Variants in GNG12 observed in about 807,000 individuals in gnomAD.
GNG12 encodes G protein subunit gamma 12, also known as guanine nucleotide-binding protein G(I)/G(S)/G(O) subunit gamma-12.
For missense variants in GNG12, 69 were observed against 83.8 expected, an observed-to-expected ratio of 0.82 and a Z score of 0.69; for synonymous variants, 28 against 29.7, an observed-to-expected ratio of 0.94 and a Z score of 0.19.
chr1:67,714,324 G>C (rs1304359617), intron 2 of GNG12, among the ~76,000 whole-genome samples: 2 of 152,248 alleles, frequency 1.3e-5, no homozygotes, highest in African/African-American at 4.8e-5. Flanking sequence ...TAGTTCCAGG[G>C]ACACATTCAG....
chr1:67,810,990 A>C (rs897584760), intron 1 of GNG12, among the ~76,000 whole-genome samples: 4 of 152,176 alleles, frequency 2.6e-5, no homozygotes, highest in African/African-American at 9.7e-5. Context: ...CTGGACCGGC[A>C]GCATCAGCAT....
intron 2 of GNG12, among the ~76,000 whole-genome samples, chr1:67,737,854 T>C (rs1461472382): frequency 1.3e-5 from 2 of 152,216 alleles, no homozygotes; most frequent in Non-Finnish European, 2.9e-5. Flanking sequence ...TGCAATAAAC[T>C]GTCCACTCCC....
At chr1:67,718,923 G>A (rs1341807508) in intron 2 of GNG12, among the ~76,000 whole-genome samples, 3 of 152,168 alleles carry the variant, frequency 2.0e-5, no homozygotes, top group African/African-American at 7.2e-5. Context: ...GCCCATCAAT[G>A]TCAATACATT....
intron 1 of GNG12, among the ~76,000 whole-genome samples, chr1:67,821,807 A>T (rs1247158659): frequency 7.2e-6 from 1 of 138,766 alleles, no homozygotes; most frequent in Non-Finnish European, 1.6e-5. Context: ...GAATAGTGGC[A>T]CATAGAATAA....
At chr1:67,756,627 T>C (rs570519968) in intron 2 of GNG12, among the ~76,000 whole-genome samples, 59 of 152,314 alleles carry the variant, frequency 3.9e-4, no homozygotes, top group African/African-American at 1.3e-3. Flanking sequence ...TGCACGTGTG[T>C]GTGCATATGT....
At chr1:67,732,080 C>T (rs1159401827) in intron 2 of GNG12, among the ~76,000 whole-genome samples, 1 of 152,182 alleles carries the variant, frequency 6.6e-6, no homozygotes, top group African/African-American at 2.4e-5. Flanking sequence ...TATAAATAAG[C>T]TGGATGAATT....
At chr1:67,826,807 A>T (rs1647013462) in intron 1 of GNG12, among the ~76,000 whole-genome samples, 2 of 152,268 alleles carry the variant, frequency 1.3e-5, no homozygotes, top group South Asian at 4.1e-4. Flanking sequence ...TCTTCATTTG[A>T]GAAAAAACCT....
At chr1:67,786,933 A>ATGTGTGTGTGTG in intron 1 of GNG12, among the ~76,000 whole-genome samples, 1 of 52,118 alleles carries the variant, frequency 1.9e-5, no homozygotes, top group Non-Finnish European at 4.4e-5. Flanking sequence ...ACTTATATAT[A>ATGTGTGTGTGTG]TATGTGTGTG....
chr1:67,772,872 G>A (rs1646682968), intron 2 of GNG12, among the ~76,000 whole-genome samples: 1 of 152,228 alleles, frequency 6.6e-6, no homozygotes, highest in Non-Finnish European at 1.5e-5. Context: ...GGCACCCATA[G>A]CTGTGAGAAT....
intron 2 of GNG12, among the ~76,000 whole-genome samples, chr1:67,715,139 G>GT (rs1300663895): frequency 6.6e-6 from 1 of 152,072 alleles, no homozygotes; most frequent in Non-Finnish European, 1.5e-5. Context: ...GGCTGGTCTT[G>GT]AACTCCTGAC....
intron 2 of GNG12, among the ~76,000 whole-genome samples, chr1:67,747,472 T>G (rs1336353524): frequency 6.6e-6 from 1 of 152,070 alleles, no homozygotes; most frequent in African/African-American, 2.4e-5. Flanking sequence ...ATCTTTGGAG[T>G]AAGAGTTTTA....
chr1:67,806,736 A>G (rs1570565116), intron 1 of GNG12, among the ~76,000 whole-genome samples: 1 of 152,198 alleles, frequency 6.6e-6, no homozygotes, highest in South Asian at 2.1e-4. Context: ...CAACATAACA[A>G]TATTTGTCAT....
intron 2 of GNG12, among the ~76,000 whole-genome samples, chr1:67,732,766 G>A (rs960804705): frequency 7.2e-5 from 11 of 152,164 alleles, no homozygotes; most frequent in African/African-American, 2.4e-4. Context: ...GAAAGGAGCC[G>A]GGTTCCTGAC....
rs1163831257 is a variant in GNG12 at position 67,818,413 on chromosome 1, G to GTTTTT, written c.-77+14926_-77+14930dup. Among the ~76,000 whole-genome samples, 706 of 83,868 alleles carry GTTTTT rather than the reference G, an allele frequency of 8.4e-3. 19 individuals carry two copies. The highest frequency in any genetic ancestry group is 0.015 in the African/African-American group (361 of 23,446). The allele number at this position is 83,868 out of a possible 152,430, so 55.0% of individuals were successfully genotyped here. A position where few individuals can be genotyped will look rare whatever the true frequency, so the allele number is the denominator to read the frequency against. ...AATTATTCATGGGGAAAGACCAGGGGTTTTTTTTTTTTTTTTTTTTTTTTT... is the reference window on the plus strand; with the variant it reads ...AATTATTCATGGGGAAAGACCAGGGGTTTTTTTTTTTTTTTTTTTTTTTTTTTTTT... On this transcript the variant is annotated intron_variant, in intron 1 of 3. Coordinates refer to ENST00000370982, the MANE Select transcript of GNG12 (RefSeq NM_018841.6).
intron 1 of GNG12, among the ~76,000 whole-genome samples, chr1:67,809,702 G>T (rs1646912608): frequency 6.6e-6 from 1 of 152,044 alleles, no homozygotes; most frequent in Non-Finnish European, 1.5e-5. Context: ...CGTCACTGGG[G>T]AATTACAAAC....
chr1:67,810,294 G>C (rs1393252310), intron 1 of GNG12, among the ~76,000 whole-genome samples: 1 of 152,190 alleles, frequency 6.6e-6, no homozygotes. Flanking sequence ...GGACTTTTAG[G>C]ACAGCGAAAC....
chr1:67,832,045 C>T (rs577966727), intron 1 of GNG12, among the ~76,000 whole-genome samples: 2 of 152,290 alleles, frequency 1.3e-5, no homozygotes, highest in Admixed American at 6.5e-5. Flanking sequence ...TGACGACATC[C>T]AAAAGATTCA....
At chr1:67,728,250 G>C (rs1450095110) in intron 2 of GNG12, among the ~76,000 whole-genome samples, 1 of 152,178 alleles carries the variant, frequency 6.6e-6, no homozygotes, top group Non-Finnish European at 1.5e-5. Context: ...CTTGGCAAAA[G>C]TGCACTCTGG....
At position 67,800,427 on chromosome 1, in the gene GNG12, T is replaced by C. The variant is rs564369860; in HGVS notation, c.-76-22920A>G. On this transcript the variant is annotated intron_variant, in intron 1 of 3. Transcript: ENST00000370982. ...GACAGACTATTCTTTTTTGAGAAAA[T>C]GTCTGCCAAATATCCAAGTCTGAAT... Among the ~76,000 whole-genome samples the C allele has an allele frequency of 2.0e-4, 30 of 152,270 alleles. 1 individual carries two copies. The South Asian group carries it at 5.0e-3, about 25-fold the overall frequency.
Sources: gnomAD v4.1 joint callset for allele counts (sites outside exome capture counted in the v4.1 genomes callset) on GRCh38, gnomAD v4.1.1 for gene constraint, MANE v1.5 for transcripts, NCBI Gene and HGNC (gene_info 2026-07-23, HGNC 2026-07-21) for gene names.